Variants in PBRM1 observed in about 807,000 individuals in gnomAD.
The protein encoded by PBRM1 is polybromo 1.
Under a neutral mutation model 194.5 loss-of-function variants are expected in PBRM1, and 27 were observed. The ratio of observed to expected loss-of-function variants is 0.14; its 90% CI spans 0.10 to 0.19. The LOEUF (loss-of-function observed/expected upper bound fraction) is 0.19, where lower values mean the gene tolerates loss of function less well. PBRM1 is among the 10% of genes least tolerant of loss of function. The pLI is 1.00. For missense variants in PBRM1, 1,466 were observed against 2,077.2 expected (o/e 0.71, Z 5.72); for synonymous variants, 655 against 693.2 (o/e 0.94, Z 0.87).
intron 13 of PBRM1, among the ~76,000 whole-genome samples, chr3:52,622,856 T>G (rs771184342): frequency 7.2e-5 from 11 of 152,232 alleles, no homozygotes; most frequent in Non-Finnish European, 1.5e-4. Context: ...TTTATTTTTA[T>G]ATATACTAAT....
At chr3:52,614,148 A>C (rs1304944661) in intron 15 of PBRM1, among the ~76,000 whole-genome samples, 1 of 152,080 alleles carries the variant, frequency 6.6e-6, no homozygotes, top group Admixed American at 6.6e-5. Context: ...CAAGGCAGGC[A>C]AATCACTTGA....
exon 7 of PBRM1, chr3:52,648,394 G>A (rs2153780106): frequency 1.2e-6 from 2 of 1,609,692 alleles, no homozygotes; most frequent in African/African-American, 1.3e-5. Flanking sequence ...TTTTTTGCGA[G>A]GAGATCTATA....
chr3:52,665,379 G>T (rs1362434644), intron 3 of PBRM1, among the ~76,000 whole-genome samples: 1 of 151,536 alleles, frequency 6.6e-6, no homozygotes, highest in Non-Finnish European at 1.5e-5. Flanking sequence ...GCCTAGGCTG[G>T]TTTCACACTC....
chr3:52,684,167 CAAAAAAAAAAAAA>C (rs66702174), upstream of PBRM1, among the ~76,000 whole-genome samples: 14 of 75,720 alleles, frequency 1.8e-4, no homozygotes, highest in South Asian at 5.2e-3. Flanking sequence ...GACCTTGTCT[CAAAAAAAAAAAAA>C]AAAAAAAAAA....
rs542683447 is a variant in PBRM1 at position 52,580,747 on chromosome 3, C to T, written c.3388-1548G>A. Among the ~76,000 whole-genome samples, 4 of 152,246 alleles carry T rather than the reference C, an allele frequency of 2.6e-5. No individual in the cohort carries two copies. In the South Asian group the frequency reaches 8.3e-4, roughly 32 times the overall value. ...GGGCAAATTATTTGACCTCTTATGC[C>T]TTAGTTTCCTCATTTGTGAAATGAA... On this transcript the variant is annotated intron_variant, in intron 20 of 29. Transcript: ENST00000296302.
At chr3:52,627,745 G>C (rs533899211) in intron 12 of PBRM1, among the ~76,000 whole-genome samples, 1 of 152,300 alleles carries the variant, frequency 6.6e-6, no homozygotes, top group South Asian at 2.1e-4. Context: ...GGGCAGTGTG[G>C]CTAAGAATAA....
At position 52,662,043 on chromosome 3, in the gene PBRM1, T is replaced by G. The variant is rs542003970; in HGVS notation, c.528+90A>C. On this transcript the variant is annotated intron_variant, in intron 4 of 29. Transcript: ENST00000296302. The stretch of plus-strand genomic sequence containing the variant: ...CAATACAATTGCACAGGAATTCTAG[T>G]TGCCCACAACAGCCCAGAGGGAATC... 1.3e-4 allele frequency: 173 copies of G among 1,290,782 alleles called. 4 individuals are homozygous for G. The South Asian group carries it at 2.2e-3, about 16-fold the overall frequency. The allele number at this position is 1,290,782 out of a possible 1,614,324, so 80.0% of individuals were successfully genotyped here. A position where few individuals can be genotyped will look rare whatever the true frequency, so the allele number is the denominator to read the frequency against.
intron 11 of PBRM1, among the ~76,000 whole-genome samples, chr3:52,631,396 T>TATTTCCTAGAATCCAGCAAGC (rs2095613698): frequency 6.6e-6 from 1 of 152,216 alleles, no homozygotes; most frequent in Non-Finnish European, 1.5e-5. Context: ...TAGCCAGCCT[T>TATTTCCTAGAATCCAGCAAGC]ATTTCCTAGA....
Position 52,609,556 on chromosome 3 carries a change from G to A in PBRM1, c.2324C>T (p.Thr775Ile). Reference sequence around the variant, plus strand: ...GTGGATAAGCTCTTGAATCAGCAAAGTCACATTTGGGACATGAGAGTCCTC... The same window carrying A: ...GTGGATAAGCTCTTGAATCAGCAAAATCACATTTGGGACATGAGAGTCCTC... Residue 775 changes from threonine (T) to isoleucine (I), a missense_variant, in exon 16 of 30, where the codon ACT (threonine) becomes ATT (isoleucine). Physicochemically the swap from Thr to Ile is moderately conservative, Grantham distance 89. Transcript: ENST00000296302. The surrounding 1 kb of genome is among the most constrained non-coding windows in gnomAD (Gnocchi z 4.1). 6.2e-7 allele frequency: 1 copy of A among 1,613,928 alleles called. No homozygotes were observed. The highest frequency in any genetic ancestry group is 1.3e-5 in the African/African-American group (1 of 75,062).
chr3:52,567,335 A>C (rs921469239), intron 22 of PBRM1, among the ~76,000 whole-genome samples: 1 of 152,144 alleles, frequency 6.6e-6, no homozygotes, highest in African/African-American at 2.4e-5. Context: ...AAGACATATC[A>C]ATTTGCACGT....
chr3:52,675,162 C>T lies in PBRM1; in HGVS notation c.236+3338G>A, dbSNP rs77532771. ...GGATAATTTCCTAGAAACACACAAC[C>T]TACTAAAGACATACAAAGCCTGAGT... On this transcript the variant is annotated intron_variant, in intron 2 of 29. Transcript: ENST00000296302. 4.5e-4 allele frequency among the ~76,000 whole-genome samples: 68 copies of T among 152,210 alleles called. 1 individual carries two copies. Among genetic ancestry groups the T allele is most frequent in the African/African-American group, 1.3e-3 (56 of 41,516 alleles).
exon 15 of PBRM1, chr3:52,615,376 GTCA>G: frequency 1.2e-6 from 2 of 1,609,524 alleles, no homozygotes; most frequent in Non-Finnish European, 1.7e-6. Context: ...GAGAAGCCAT[GTCA>G]TCATCATCAG....
chr3:52,610,750 C>A (rs1164017517), intron 15 of PBRM1, among the ~76,000 whole-genome samples: 1 of 152,162 alleles, frequency 6.6e-6, no homozygotes, highest in Non-Finnish European at 1.5e-5. Context: ...ATCAACCTGG[C>A]CAACATGGCG....
intron 3 of PBRM1, among the ~76,000 whole-genome samples, chr3:52,665,331 T>C (rs1195504578): frequency 1.6e-5 from 1 of 61,640 alleles, no homozygotes; most frequent in East Asian, 6.1e-4. Context: ...ATTAAAACAA[T>C]TTTTTTTTTT....
exon 30 of PBRM1, chr3:52,548,021 C>A (rs781417763): frequency 3.0e-5 from 47 of 1,556,902 alleles, no homozygotes; most frequent in Non-Finnish European, 4.0e-5. Flanking sequence ...TACTGATCCA[C>A]AACTCTTTAT....
chr3:52,592,427 T>C (rs2336147), intron 17 of PBRM1, among the ~76,000 whole-genome samples: 78,342 of 151,990 alleles, frequency 0.52, 20,514 homozygotes, highest in Admixed American at 0.6. Context: ...CCACCACACC[T>C]GGCTGTCTTT....
chr3:52,592,404 T>C (rs1452260529), intron 17 of PBRM1, among the ~76,000 whole-genome samples: 2 of 152,128 alleles, frequency 1.3e-5, no homozygotes, highest in African/African-American at 4.8e-5. Context: ...AGTGCTGGGA[T>C]TACAGGCATG....
intron 5 of PBRM1, among the ~76,000 whole-genome samples, chr3:52,654,694 C>G (rs1187698712): frequency 1.8e-4 from 28 of 152,180 alleles, no homozygotes; most frequent in Non-Finnish European, 1.5e-5. Context: ...TTGACCATCA[C>G]TGATTATCTC....
upstream of PBRM1, chr3:52,679,824 G>T: frequency 2.3e-6 from 2 of 853,764 alleles, no homozygotes; most frequent in Non-Finnish European, 3.5e-6. Context: ...TCACTTAGGA[G>T]GATATTTTAA....
Sources: allele counts gnomAD v4.1 joint callset (sites outside exome capture counted in the v4.1 genomes callset), GRCh38; gene constraint gnomAD v4.1.1; non-coding constraint Gnocchi (gnomAD v3.1); transcripts MANE v1.5; gene names NCBI Gene and HGNC (gene_info 2026-07-23, HGNC 2026-07-21).